MAGI1: variants seen among roughly 807,000 people sequenced by gnomAD.
The protein encoded by MAGI1 is membrane-associated guanylate kinase, WW and PDZ domain-containing protein 1.
In MAGI1, 58 loss-of-function variants were observed where a neutral mutation model predicts 139.9. The ratio of observed to expected loss-of-function variants is 0.41; its 90% CI spans 0.34 to 0.52. The LOEUF is 0.52. MAGI1 is among the 20% of genes least tolerant of loss of function. The pLI, the probability that MAGI1 is intolerant of heterozygous loss-of-function variation, is 0.12. For missense variants in MAGI1, 1,874 were observed against 1,901.6 expected, an observed-to-expected ratio of 0.99 and a Z score of 0.27; for synonymous variants, 812 against 737.9, an observed-to-expected ratio of 1.10 and a Z score of -1.63.
At chr3:65,767,690 A>T (rs1308287384) in intron 1 of MAGI1, among the ~76,000 whole-genome samples, 2 of 152,228 alleles carry the variant, frequency 1.3e-5, no homozygotes, top group Non-Finnish European at 2.9e-5. Context: ...AGAACAGACC[A>T]AACCAAAATG....
At chr3:65,700,606 T>G (rs1425478221) in intron 1 of MAGI1, among the ~76,000 whole-genome samples, 1 of 152,172 alleles carries the variant, frequency 6.6e-6, no homozygotes, top group Non-Finnish European at 1.5e-5. Context: ...CTGCCCTGGA[T>G]CTACTTATAA....
At chr3:66,034,742 T>TA (rs982192518) in intron 1 of MAGI1, among the ~76,000 whole-genome samples, 2 of 151,990 alleles carry the variant, frequency 1.3e-5, no homozygotes, top group African/African-American at 4.8e-5. Flanking sequence ...TACTTAGCAA[T>TA]AAAAAAAGAA....
At chr3:65,631,907 C>T (rs1559738205) in intron 1 of MAGI1, among the ~76,000 whole-genome samples, 1 of 151,964 alleles carries the variant, frequency 6.6e-6, no homozygotes, top group African/African-American at 2.4e-5. Flanking sequence ...CACCTGTAAT[C>T]CCAGCTACTT....
chr3:65,690,138 T>C (rs975004797), intron 1 of MAGI1, among the ~76,000 whole-genome samples: 7 of 152,102 alleles, frequency 4.6e-5, no homozygotes, highest in Non-Finnish European at 1.0e-4. Flanking sequence ...ATCAGGGACT[T>C]TGTTGGAAGG....
chr3:65,752,784 G>A (rs997344043), intron 1 of MAGI1, among the ~76,000 whole-genome samples: 2 of 152,116 alleles, frequency 1.3e-5, no homozygotes, highest in African/African-American at 4.8e-5. Context: ...ATCCCACCCC[G>A]ACTTCAATCC....
At chr3:65,582,149 A>T (rs2081459593) in intron 2 of MAGI1, among the ~76,000 whole-genome samples, 1 of 152,220 alleles carries the variant, frequency 6.6e-6, no homozygotes, top group Admixed American at 6.5e-5. Flanking sequence ...GCTGTACTTG[A>T]ATGTAAGCGC....
At chr3:65,778,234 AGGCTGGCCAAC>A (rs1328938813) in intron 1 of MAGI1, among the ~76,000 whole-genome samples, 1 of 152,112 alleles carries the variant, frequency 6.6e-6, no homozygotes, top group East Asian at 1.9e-4. Context: ...GTTCAAGATC[AGGCTGGCCAAC>A]ATGGTGAAAC....
chr3:65,901,096 C>T (rs193301538), intron 1 of MAGI1, among the ~76,000 whole-genome samples: 2 of 152,266 alleles, frequency 1.3e-5, no homozygotes, highest in African/African-American at 4.8e-5. Context: ...CTTCAGATAC[C>T]CTTACAGTAA....
At position 65,919,749 on chromosome 3, in the gene MAGI1, G is replaced by A. The variant is rs1035333597; in HGVS notation, c.313+118247C>T. Among the ~76,000 whole-genome samples, 6 of 151,272 alleles carry A rather than the reference G, an allele frequency of 4.0e-5. 1 individual carries two copies. Among genetic ancestry groups the A allele is most frequent in the African/African-American group, 1.5e-4 (6 of 41,198 alleles). On this transcript the variant is annotated intron_variant, in intron 1 of 22. Coordinates refer to ENST00000402939, the MANE Select transcript of MAGI1 (RefSeq NM_001033057.2). Reference sequence around the variant, plus strand: ...AGAAAAAGGCAACGTTCCCCCATTCGAGGCTTTGTTAACAGTGACCATTAT... The same window carrying A: ...AGAAAAAGGCAACGTTCCCCCATTCAAGGCTTTGTTAACAGTGACCATTAT...
At chr3:65,712,124 G>A (rs191227708) in intron 1 of MAGI1, among the ~76,000 whole-genome samples, 1 of 152,236 alleles carries the variant, frequency 6.6e-6, no homozygotes, top group Admixed American at 6.5e-5. Flanking sequence ...TCCTCCCATT[G>A]AAAGGTAGGG....
At chr3:65,539,992 C>G (rs568645851) in intron 2 of MAGI1, among the ~76,000 whole-genome samples, 3 of 152,196 alleles carry the variant, frequency 2.0e-5, no homozygotes, top group Admixed American at 6.5e-5. Context: ...GTAAGGTAAC[C>G]TCTCTCACTT....
At chr3:65,544,022 T>C (rs1324231405) in intron 2 of MAGI1, among the ~76,000 whole-genome samples, 2 of 152,100 alleles carry the variant, frequency 1.3e-5, no homozygotes, top group Non-Finnish European at 2.9e-5. Flanking sequence ...TCATATGACA[T>C]ATGAGTATAT....
chr3:65,589,932 T>G (rs80336351), intron 2 of MAGI1, among the ~76,000 whole-genome samples: 2 of 151,986 alleles, frequency 1.3e-5, no homozygotes, highest in Admixed American at 1.3e-4. Flanking sequence ...TTGGCATCTC[T>G]GTGTCCATCC....
At chr3:65,562,398 C>A (rs2080400650) in intron 2 of MAGI1, among the ~76,000 whole-genome samples, 1 of 152,194 alleles carries the variant, frequency 6.6e-6, no homozygotes, top group African/African-American at 2.4e-5. Context: ...GAACACTATG[C>A]ATCTTAGAAT....
chr3:65,896,291 T>G (rs2060965983), intron 1 of MAGI1, among the ~76,000 whole-genome samples: 1 of 147,262 alleles, frequency 6.8e-6, no homozygotes, highest in African/African-American at 2.6e-5. Context: ...CTAACAGCAG[T>G]AATCACGACA....
intron 1 of MAGI1, among the ~76,000 whole-genome samples, chr3:65,938,227 G>A (rs1241755313): frequency 6.6e-6 from 1 of 150,866 alleles, no homozygotes; most frequent in Admixed American, 6.6e-5. Context: ...TAACTAAAAT[G>A]TTACTTGGGG....
chr3:65,473,746 G>GA (rs5849676), intron 4 of MAGI1, among the ~76,000 whole-genome samples: 36 of 147,468 alleles, frequency 2.4e-4, no homozygotes, highest in Admixed American at 4.7e-4. Context: ...TTTCCTGGAG[G>GA]AAAAAAAAAA....
chr3:65,716,932 G>A (rs1366596179), intron 1 of MAGI1, among the ~76,000 whole-genome samples: 1 of 152,222 alleles, frequency 6.6e-6, no homozygotes, highest in African/African-American at 2.4e-5. Flanking sequence ...ATTGGTGAAT[G>A]TTGTAGGCAG....
intron 13 of MAGI1, among the ~76,000 whole-genome samples, chr3:65,400,591 G>C (rs932177122): frequency 2.6e-5 from 4 of 152,020 alleles, no homozygotes; most frequent in Admixed American, 1.3e-4. Flanking sequence ...TGGAGTTCCA[G>C]ATGTTGAGTT....
Sources: allele counts gnomAD v4.1 joint callset (sites outside exome capture counted in the v4.1 genomes callset), GRCh38; gene constraint gnomAD v4.1.1; transcripts MANE v1.5; gene names NCBI Gene and HGNC (gene_info 2026-07-23, HGNC 2026-07-21).